CNTLN: variants seen among roughly 807,000 people sequenced by gnomAD.
CNTLN encodes the protein centlein, centrosomal protein.
CNTLN carries 212 observed loss-of-function variants against 180.0 expected under a neutral mutation model. The observed-to-expected ratio is 1.18, with a 90% confidence interval of 1.05 to 1.32. CNTLN has a LOEUF of 1.32. Ranked by LOEUF, CNTLN falls within the 40% of genes most tolerant of loss-of-function variation. CNTLN has a pLI of 0.00. For synonymous variants in CNTLN, 722 were observed against 563.1 expected, an observed-to-expected ratio of 1.28 and a Z score of -3.99; for missense variants, 2,095 against 1,610.9, an observed-to-expected ratio of 1.30 and a Z score of -5.14.
intron 2 of CNTLN, among the ~76,000 whole-genome samples, chr9:17,200,939 G>C (rs1286355744): frequency 1.3e-5 from 2 of 152,156 alleles, no homozygotes; most frequent in African/African-American, 4.8e-5. Context: ...TCCAGCTTTT[G>C]CTCATTCAGT....
chr9:17,403,972 C>T (rs886261352), intron 15 of CNTLN, among the ~76,000 whole-genome samples: 27 of 151,708 alleles, frequency 1.8e-4, no homozygotes, highest in African/African-American at 6.3e-4. Flanking sequence ...GATGGGGTTT[C>T]ACTATTTTGG....
chr9:17,287,238 G>T (rs1270963190), intron 6 of CNTLN, among the ~76,000 whole-genome samples: 1 of 151,730 alleles, frequency 6.6e-6, no homozygotes, highest in Non-Finnish European at 1.5e-5. Flanking sequence ...TTTTGTCAAA[G>T]GCTTTTTCTG....
At chr9:17,381,794 C>T (rs2133595112) in intron 13 of CNTLN, among the ~76,000 whole-genome samples, 1 of 152,258 alleles carries the variant, frequency 6.6e-6, no homozygotes, top group South Asian at 2.1e-4. Flanking sequence ...CACCTTGAGG[C>T]AATATTGGAT....
At chr9:17,346,058 A>G (rs1162409429) in intron 12 of CNTLN, among the ~76,000 whole-genome samples, 1 of 152,208 alleles carries the variant, frequency 6.6e-6, no homozygotes, top group Non-Finnish European at 1.5e-5. Flanking sequence ...TGGATAATTT[A>G]TAAAGGAAAG....
chr9:17,175,350 C>CT (rs1244839599), intron 2 of CNTLN, among the ~76,000 whole-genome samples: 2 of 152,046 alleles, frequency 1.3e-5, no homozygotes, highest in African/African-American at 4.8e-5. Context: ...AGTTTCTTTT[C>CT]TTTTTTTGCC....
intron 13 of CNTLN, among the ~76,000 whole-genome samples, chr9:17,376,204 CTCTT>C (rs1824742056): frequency 6.6e-6 from 1 of 152,126 alleles, no homozygotes; most frequent in East Asian, 1.9e-4. Context: ...ATCTTCCCGT[CTCTT>C]TCAGTGGAAC....
chr9:17,430,143 T>C (rs1347902572), intron 18 of CNTLN, among the ~76,000 whole-genome samples: 5 of 152,002 alleles, frequency 3.3e-5, no homozygotes, highest in Admixed American at 2.0e-4. Flanking sequence ...TCTATAACTT[T>C]TAAATGTAAC....
At chr9:17,527,124 C>G in the CNTLN span, among the ~76,000 whole-genome samples, 1 of 152,078 alleles carries the variant, frequency 6.6e-6, no homozygotes, top group Non-Finnish European at 1.5e-5. Context: ...CTCAAGTGAT[C>G]CGCCTACCTC....
intron 12 of CNTLN, among the ~76,000 whole-genome samples, 189 bp from the exon 13 acceptor site, chr9:17,366,428 G>C (rs1051207402): frequency 6.6e-6 from 1 of 151,984 alleles, no homozygotes; most frequent in Non-Finnish European, 1.5e-5. Flanking sequence ...GTAGGTATGA[G>C]CCACCATGCC....
At chr9:17,212,706 C>T (rs1001029312) in intron 2 of CNTLN, among the ~76,000 whole-genome samples, 1 of 152,062 alleles carries the variant, frequency 6.6e-6, no homozygotes, top group Non-Finnish European at 1.5e-5. Flanking sequence ...GGTTGGTAGG[C>T]TATTAATTAT....
chr9:17,289,076 G>A lies in CNTLN; in HGVS notation c.984-9114G>A, dbSNP rs1221606013. Among the ~76,000 whole-genome samples the A allele has an allele frequency of 5.8e-4, 72 of 124,982 alleles. 6 individuals carry two copies. Among genetic ancestry groups the A allele is most frequent in the African/African-American group, 1.1e-3 (30 of 28,016 alleles). 82.0% of individuals were successfully genotyped at this position (124,982 alleles called of 152,430 possible). A position where few individuals can be genotyped will look rare whatever the true frequency, so the allele number is the denominator to read the frequency against. Reference sequence around the variant, plus strand: ...ATGATGTTAGCTGGTTATTTTGCTCGTTAGTTGATGCAGTTTCTTCCTAGT... The same window carrying A: ...ATGATGTTAGCTGGTTATTTTGCTCATTAGTTGATGCAGTTTCTTCCTAGT... On this transcript the variant is annotated intron_variant, in intron 6 of 25. Transcript: ENST00000380647.
intron 5 of CNTLN, among the ~76,000 whole-genome samples, chr9:17,247,203 C>T (rs1825846798): frequency 1.3e-5 from 2 of 152,118 alleles, no homozygotes; most frequent in Admixed American, 1.3e-4. Flanking sequence ...CCAAGACTGC[C>T]TGGGAATTGC....
At chr9:17,208,811 C>T (rs567062929) in intron 2 of CNTLN, among the ~76,000 whole-genome samples, 1 of 152,156 alleles carries the variant, frequency 6.6e-6, no homozygotes, top group Admixed American at 6.5e-5. Context: ...TGTAATGTCT[C>T]CTTTTTCATC....
chr9:17,469,505 G>C (rs17831889), intron 23 of CNTLN, among the ~76,000 whole-genome samples: 1,818 of 151,812 alleles, frequency 0.012, 11 homozygotes, highest in Non-Finnish European at 0.018. Context: ...TATGGCCCTA[G>C]GTCTAGGCAG....
chr9:17,463,001 A>G lies in CNTLN; in HGVS notation c.3392A>G (p.Glu1131Gly). Residue 1131 changes from glutamate (E) to glycine (G), a missense_variant, in exon 20 of 26, where the codon GAA becomes GGA. Transcript: ENST00000380647. ...ELLAKEEHIK[E>G]MHEKISRMER... Reference sequence around the variant, plus strand: ...CTAGCAAAAGAAGAACACATAAAGGAAATGCATGAAAAGTATGGTTTTTGT... The same window carrying G: ...CTAGCAAAAGAAGAACACATAAAGGGAATGCATGAAAAGTATGGTTTTTGT... 2.9e-5 allele frequency: 46 copies of G among 1,571,436 alleles called. No homozygotes were observed. The highest frequency in any genetic ancestry group is 4.0e-5 in the Non-Finnish European group (46 of 1,159,414).
intron 10 of CNTLN, among the ~76,000 whole-genome samples, chr9:17,338,337 G>GTTTTTTTTTTTTTTTTTT (rs71331486): frequency 7.0e-5 from 7 of 100,430 alleles, no homozygotes; most frequent in East Asian, 3.3e-4. Context: ...GCTAATTTTT[G>GTTTTTTTTTTTTTTTTTT]TTTTTTTTTT....
rs775994948 is a variant in CNTLN at position 17,388,167 on chromosome 9, C to T, written c.1993C>T (p.Leu665Phe). The change falls in exon 14 of 26, where the codon CTC becomes TTC. Residue 665 changes from leucine to phenylalanine, a missense_variant. Transcript: ENST00000380647. ...RCVAERREEQ[L>F]FRSGEDDEVK... ...TATTATTTATTCTCTACCAGAACAGCTCTTTAGATCTGGTGAAGATGATGA... is the reference window on the plus strand; with the variant it reads ...TATTATTTATTCTCTACCAGAACAGTTCTTTAGATCTGGTGAAGATGATGA... 1.9e-6 allele frequency: 3 copies of T among 1,601,690 alleles called. No homozygotes were observed. The South Asian group carries it at 3.3e-5, about 18-fold the overall frequency.
At chr9:17,374,408 A>G (rs1052398504) in intron 13 of CNTLN, among the ~76,000 whole-genome samples, 21 of 152,326 alleles carry the variant, frequency 1.4e-4, no homozygotes, top group African/African-American at 5.1e-4. Context: ...CAAAACTAAA[A>G]TGAAATATCA....
At chr9:17,344,536 G>A (rs1821727578) in intron 12 of CNTLN, among the ~76,000 whole-genome samples, 1 of 152,068 alleles carries the variant, frequency 6.6e-6, no homozygotes, top group Non-Finnish European at 1.5e-5. Context: ...AGTCTGCTAG[G>A]TCAATGAAAT....
Sources: allele counts gnomAD v4.1 joint callset (sites outside exome capture counted in the v4.1 genomes callset), GRCh38; gene constraint gnomAD v4.1.1; transcripts MANE v1.5; gene names NCBI Gene and HGNC (gene_info 2026-07-23, HGNC 2026-07-21).